ADGRE3: variants seen among roughly 807,000 people sequenced by gnomAD.
ADGRE3 encodes the protein EGF-like module receptor 3.
A neutral mutation model predicts 80.1 loss-of-function variants in ADGRE3; 88 were observed. The observed-to-expected ratio is 1.10, with a 90% CI of 0.93 to 1.31. The LOEUF is 1.31. Among genes scored for constraint, ADGRE3 ranks in the 40% most tolerant of loss-of-function variants. The pLI is 0.00. For synonymous variants in ADGRE3, 281 were observed against 294.8 expected, an observed-to-expected ratio of 0.95 and a Z score of 0.48; for missense variants, 715 against 776.5, an observed-to-expected ratio of 0.92 and a Z score of 0.94.
Position 14,638,193 on chromosome 19 carries a change from T to A in ADGRE3, c.1396A>T (p.Ile466Phe). The stretch of plus-strand genomic sequence containing the variant: ...ACGCCATAGCCGACTGGGAACATGA[T>A]CCACTTCATGAGTCTATTGATGCTT... ...YSSINRLMKW[I>F]MFPVGYGVPA... Residue 466 changes from isoleucine (I) to phenylalanine (F), a missense_variant, in exon 11 of 16, where the codon ATC (isoleucine) becomes TTC (phenylalanine). Physicochemically the swap from Ile to Phe is conservative, Grantham distance 21. Coordinates refer to ENST00000253673, the MANE Select transcript of ADGRE3 (RefSeq NM_032571.5). The A allele has an allele frequency of 1.2e-6, 2 of 1,614,058 alleles. No individual in the cohort carries two copies. The highest frequency in any genetic ancestry group is 1.7e-6 in the Non-Finnish European group (2 of 1,180,002).
chr19:14,641,734 A>G (rs555269983), intron 9 of ADGRE3, 118 bp from the exon 10 acceptor site: 1 of 1,236,774 alleles, frequency 8.1e-7, no homozygotes, highest in African/African-American at 1.5e-5. Context: ...TGGGACCGTT[A>G]GACTGCTAAT....
the ADGRE3 span, among the ~76,000 whole-genome samples, chr19:14,605,206 T>G: frequency 6.6e-6 from 1 of 151,980 alleles, no homozygotes; most frequent in Non-Finnish European, 1.5e-5. Context: ...CAAGCAATTC[T>G]CCTCTCTCAG....
intron 8 of ADGRE3, 46 bp from the exon 9 acceptor site, chr19:14,644,321 CTTTCTT>C: frequency 7.7e-7 from 1 of 1,306,974 alleles, no homozygotes; most frequent in Middle Eastern, 2.6e-4. Context: ...GTCTTTCTTT[CTTTCTT>C]TTTTTTTTTT....
rs577430333 is a variant in ADGRE3, at chr19:14,635,678, G to A, written c.1485-2376C>T. ...TCCACCCGCCTCAGCCTCCCAAAGT[G>A]CTGGGATTACAGGCTTGAGTCACTG... On this transcript the variant is annotated intron_variant, in intron 11 of 15. Transcript: ENST00000253673. Among the ~76,000 whole-genome samples, 17 of 152,242 alleles carry A rather than the reference G, an allele frequency of 1.1e-4. No homozygotes were observed. In the South Asian group the frequency reaches 2.9e-3, roughly 26 times the overall value.
chr19:14,646,746 CTTTG>C (rs1429787717), intron 8 of ADGRE3, among the ~76,000 whole-genome samples: 2 of 131,098 alleles, frequency 1.5e-5, no homozygotes, highest in African/African-American at 2.9e-5. Flanking sequence ...CTCTTTGTTT[CTTTG>C]TTTCTTTTCT....
downstream of ADGRE3, among the ~76,000 whole-genome samples, chr19:14,617,581 A>G (rs1215928828): frequency 6.6e-6 from 1 of 151,558 alleles, no homozygotes; most frequent in Non-Finnish European, 1.5e-5. Flanking sequence ...CATTTTTAGT[A>G]GAGATGGGGT....
chr19:14,630,236 G>A (rs1435104040), intron 13 of ADGRE3, 29 bp from the exon 14 acceptor site: 2 of 1,573,248 alleles, frequency 1.3e-6, no homozygotes, highest in South Asian at 1.2e-5. Flanking sequence ...AGATTAGGAT[G>A]TCAAAAAACT....
At chr19:14,641,715 G>T (rs1331033123) in intron 9 of ADGRE3, 99 bp from the exon 10 acceptor site, 7 of 1,436,244 alleles carry the variant, frequency 4.9e-6, no homozygotes, top group Non-Finnish European at 6.7e-6. Flanking sequence ...ACCAAGCCCA[G>T]TGGTAGTGTG....
At chr19:14,636,100 T>TTC (rs1161767647) in intron 11 of ADGRE3, among the ~76,000 whole-genome samples, 4 of 48,312 alleles carry the variant, frequency 8.3e-5, no homozygotes, top group African/African-American at 2.6e-4. Flanking sequence ...CTTTCTTTCT[T>TTC]TCTTTCTTTC....
chr19:14,658,470 T>C (rs372808848), intron 5 of ADGRE3, 43 bp downstream of exon 5: 1 of 1,474,150 alleles, frequency 6.8e-7, no homozygotes, highest in Non-Finnish European at 9.1e-7. Flanking sequence ...TTGTTACTGA[T>C]GTTTGTTACC....
downstream of ADGRE3, among the ~76,000 whole-genome samples, chr19:14,616,282 T>C (rs1422413593): frequency 2.0e-5 from 3 of 152,110 alleles, no homozygotes. Flanking sequence ...GCCTCATTTC[T>C]TCACACCCCG....
intron 4 of ADGRE3, among the ~76,000 whole-genome samples, chr19:14,661,719 T>C (rs1971947976): frequency 6.6e-6 from 1 of 151,962 alleles, no homozygotes; most frequent in Non-Finnish European, 1.5e-5. Flanking sequence ...TCCCAGCACT[T>C]TGGGAGGATG....
At chr19:14,673,436 A>C (rs749324725) in intron 1 of ADGRE3, among the ~76,000 whole-genome samples, 20 of 152,232 alleles carry the variant, frequency 1.3e-4, no homozygotes, top group Non-Finnish European at 2.6e-4. Flanking sequence ...ATCCGTACAG[A>C]GATGGTGGTT....
chr19:14,668,790 C>T lies in ADGRE3; in HGVS notation c.76+12G>A, dbSNP rs1032723707. 2.5e-6 allele frequency: 4 copies of T among 1,613,516 alleles called. No homozygotes were observed. Among genetic ancestry groups the T allele is most frequent in the Non-Finnish European group, 3.4e-6 (4 of 1,179,688 alleles). ...GGTCCACAAGTTCTCTGTTCTGGCT[C>T]TGAGCACTCACTTTTGGTTTTCTGA... On this transcript the variant is annotated intron_variant, in intron 2 of 15. Transcript: ENST00000253673.
chr19:14,656,415 A>T (rs937147042), intron 5 of ADGRE3, among the ~76,000 whole-genome samples: 3 of 150,910 alleles, frequency 2.0e-5, no homozygotes, highest in Non-Finnish European at 4.4e-5. Context: ...CTCCCTTGCG[A>T]GAGAGAGGGA....
chr19:14,617,434 G>A (rs191545191), downstream of ADGRE3, among the ~76,000 whole-genome samples: 599 of 127,026 alleles, frequency 4.7e-3, 4 homozygotes, highest in African/African-American at 0.015. Flanking sequence ...GTCTTACTCT[G>A]TCACCCAAAC....
At chr19:14,660,859 G>A (rs968873876) in intron 4 of ADGRE3, among the ~76,000 whole-genome samples, 1 of 151,264 alleles carries the variant, frequency 6.6e-6, no homozygotes, top group Admixed American at 6.6e-5. Flanking sequence ...GTCTCAGAGA[G>A]AGAGTCAACT....
At chr19:14,653,253 C>A (rs1971657379) in intron 6 of ADGRE3, among the ~76,000 whole-genome samples, 1 of 152,078 alleles carries the variant, frequency 6.6e-6, no homozygotes, top group African/African-American at 2.4e-5. Flanking sequence ...GCTAGGATTA[C>A]AGGATGAGCC....
At chr19:14,607,416 G>C in the ADGRE3 span, among the ~76,000 whole-genome samples, 212 of 151,498 alleles carry the variant, frequency 1.4e-3, 2 homozygotes, top group African/African-American at 4.7e-3. Flanking sequence ...TGTTAGCCAG[G>C]ATGGTCTTGA....
Sources: allele counts gnomAD v4.1 joint callset (sites outside exome capture counted in the v4.1 genomes callset), GRCh38; gene constraint gnomAD v4.1.1; transcripts MANE v1.5; gene names NCBI Gene and HGNC (gene_info 2026-07-23, HGNC 2026-07-21).